The following ATP10B variants were observed in gnomAD, a reference collection of about 807,000 sequenced individuals.
ATP10B encodes ATPase phospholipid transporting 10B (putative), also known as phospholipid-transporting ATPase VB.
Under a neutral mutation model 141.2 loss-of-function variants are expected in ATP10B, and 122 were observed. The ratio of observed to expected loss-of-function variants is 0.86; its 90% confidence interval spans 0.75 to 1.00. The LOEUF (loss-of-function observed/expected upper bound fraction) is 1.00, where lower values mean the gene tolerates loss of function less well. Ranked by LOEUF, ATP10B falls within the 50% of genes least tolerant of loss-of-function variation. The pLI is 0.00. For synonymous variants in ATP10B, 685 were observed against 692.0 expected, an observed-to-expected ratio of 0.99 and a Z score of 0.16; for missense variants, 1,876 against 1,825.3, an observed-to-expected ratio of 1.03 and a Z score of -0.51.
intron 2 of ATP10B, among the ~76,000 whole-genome samples, chr5:160,748,929 C>T (rs908547488): frequency 1.3e-5 from 2 of 152,122 alleles, no homozygotes; most frequent in African/African-American, 4.8e-5. Context: ...CACTTGGCCC[C>T]CCGTATAAAT....
chr5:160,733,800 C>G (rs1370306603), intron 2 of ATP10B, among the ~76,000 whole-genome samples: 1 of 151,274 alleles, frequency 6.6e-6, no homozygotes, highest in Non-Finnish European at 1.5e-5. Flanking sequence ...ATATAAGCAA[C>G]AAAAATAATT....
chr5:160,783,594 C>T (rs891886878), intron 2 of ATP10B, among the ~76,000 whole-genome samples: 2,274 of 111,078 alleles, frequency 0.02, 59 homozygotes, highest in African/African-American at 0.064. Context: ...CACACACACA[C>T]ACATACACAC....
chr5:160,837,808 AC>A (rs796509447), intron 1 of ATP10B, among the ~76,000 whole-genome samples: 79 of 152,062 alleles, frequency 5.2e-4, no homozygotes, highest in African/African-American at 1.8e-3. Context: ...TCCATCCTCC[AC>A]CCCATTCTTG....
intron 15 of ATP10B, 24 bp from the exon 16 acceptor site, chr5:160,617,997 A>G: frequency 6.4e-7 from 1 of 1,562,756 alleles, no homozygotes; most frequent in Non-Finnish European, 8.8e-7. Flanking sequence ...ATTTTCCCGC[A>G]TGAGGCCACA....
chr5:160,758,329 A>G (rs187230383), intron 2 of ATP10B, among the ~76,000 whole-genome samples: 81 of 152,266 alleles, frequency 5.3e-4, no homozygotes, highest in African/African-American at 1.9e-3. Flanking sequence ...TGTGAAGATG[A>G]AATGAGGTAA....
Position 160,649,276 on chromosome 5 carries a change from G to C in ATP10B, c.676-20C>G. On this transcript the variant is annotated intron_variant, in intron 7 of 25. Transcript: ENST00000327245. ...TACCTCCTGTGAGAGAGAGGACTCTGTGAGTTTATTAATTCAGAGGGATCT... is the reference window on the plus strand; with the variant it reads ...TACCTCCTGTGAGAGAGAGGACTCTCTGAGTTTATTAATTCAGAGGGATCT... 1.3e-6 allele frequency: 2 copies of C among 1,573,816 alleles called. No homozygotes were observed. The highest frequency in any genetic ancestry group is 1.7e-6 in the Non-Finnish European group (2 of 1,143,614).
In ATP10B at chr5:160,570,327, T is replaced by C. The variant is rs553655337; in HGVS notation, c.3751-644A>G. ...AATATTCAAATGATTCTCTTCTAGC[T>C]ATTTTGAAATACACAATCGGCTAAT... On this transcript the variant is annotated intron_variant, in intron 24 of 25. Coordinates refer to ENST00000327245, the MANE Select transcript of ATP10B (RefSeq NM_025153.3). Among the ~76,000 whole-genome samples the C allele has an allele frequency of 4.5e-4, 69 of 152,348 alleles. 1 individual carries two copies. Among genetic ancestry groups the C allele is most frequent in the African/African-American group, 1.7e-3 (69 of 41,586 alleles).
At chr5:160,771,244 T>C (rs1237648606) in intron 2 of ATP10B, among the ~76,000 whole-genome samples, 1 of 152,202 alleles carries the variant, frequency 6.6e-6, no homozygotes, top group African/African-American at 2.4e-5. Flanking sequence ...CTCTTTCTTT[T>C]AGGGGTGATA....
At chr5:160,703,962 G>C (rs1203170375) in intron 3 of ATP10B, among the ~76,000 whole-genome samples, 2 of 152,172 alleles carry the variant, frequency 1.3e-5, no homozygotes, top group South Asian at 4.1e-4. Flanking sequence ...GTCACCAGGG[G>C]CAGTGTTAAG....
chr5:160,771,508 A>G (rs761717495), intron 2 of ATP10B, among the ~76,000 whole-genome samples: 2 of 152,206 alleles, frequency 1.3e-5, no homozygotes, highest in Non-Finnish European at 2.9e-5. Flanking sequence ...CTTTTATAAA[A>G]GGTATATGTC....
intron 6 of ATP10B, among the ~76,000 whole-genome samples, chr5:160,674,610 T>G (rs1176427465): frequency 6.6e-6 from 1 of 152,176 alleles, no homozygotes; most frequent in Non-Finnish European, 1.5e-5. Flanking sequence ...GAAGAAATAT[T>G]CTCAGTGACT....
chr5:160,927,280 C>T, the ATP10B span, among the ~76,000 whole-genome samples: 245 of 152,268 alleles, frequency 1.6e-3, 7 homozygotes, highest in East Asian at 0.03. Flanking sequence ...GGTGCACTTT[C>T]AGCTTTCTGA....
Position 160,687,872 on chromosome 5 carries a change from C to T in ATP10B, c.203G>A (p.Gly68Asp). The change falls in exon 5 of 26, where the codon GGC becomes GAC. Residue 68 changes from glycine (G) to aspartate (D), a missense_variant. Coordinates refer to ENST00000327245, the MANE Select transcript of ATP10B (RefSeq NM_025153.3). ...GTATTTGGTTGTGCAGGTTCTGTTG[C>T]CAGGGTATCTCCTGGAGACCTCTTC... ...DWEEVSRRYP[G>D]NRTCTTKYTL... 1.9e-6 allele frequency: 3 copies of T among 1,614,126 alleles called. No individual in the cohort carries two copies. The highest frequency in any genetic ancestry group is 2.5e-6 in the Non-Finnish European group (3 of 1,180,022).
At chr5:160,782,720 G>A (rs1770806511) in intron 2 of ATP10B, among the ~76,000 whole-genome samples, 1 of 151,956 alleles carries the variant, frequency 6.6e-6, no homozygotes, top group African/African-American at 2.4e-5. Context: ...TAGTTTAAAA[G>A]AGGATTGAGT....
At chr5:160,749,763 GAAGA>G (rs995607697) in intron 2 of ATP10B, among the ~76,000 whole-genome samples, 3 of 152,126 alleles carry the variant, frequency 2.0e-5, no homozygotes, top group African/African-American at 7.2e-5. Context: ...GGACTTCCTG[GAAGA>G]AAGAACAGGG....
chr5:160,707,909 A>C (rs1765111319), intron 3 of ATP10B, among the ~76,000 whole-genome samples: 1 of 152,218 alleles, frequency 6.6e-6, no homozygotes, highest in African/African-American at 2.4e-5. Flanking sequence ...AAGCTTGAAG[A>C]AGAATGATAG....
intron 13 of ATP10B, among the ~76,000 whole-genome samples, chr5:160,627,528 C>G (rs1758672958): frequency 6.6e-6 from 1 of 152,114 alleles, no homozygotes; most frequent in Non-Finnish European, 1.5e-5. Flanking sequence ...TGGTGAGTGT[C>G]TCAACTGGTA....
At chr5:160,724,959 G>A (rs932813108) in intron 2 of ATP10B, among the ~76,000 whole-genome samples, 1 of 152,188 alleles carries the variant, frequency 6.6e-6, no homozygotes, top group Non-Finnish European at 1.5e-5. Context: ...CTACTAGCAT[G>A]TAAACTATAT....
At chr5:160,695,350 C>G (rs1238174011) in intron 3 of ATP10B, among the ~76,000 whole-genome samples, 1 of 140,148 alleles carries the variant, frequency 7.1e-6, no homozygotes, top group African/African-American at 2.8e-5. Context: ...TATTTAATAC[C>G]ACAAAAGAGA....
Sources: gnomAD v4.1 joint callset for allele counts (sites outside exome capture counted in the v4.1 genomes callset) on GRCh38, gnomAD v4.1.1 for gene constraint, MANE v1.5 for transcripts, NCBI Gene and HGNC (gene_info 2026-07-23, HGNC 2026-07-21) for gene names.